Variants in L3MBTL3 observed in about 807,000 individuals in gnomAD.
L3MBTL3 encodes the protein L3MBTL histone methyl-lysine binding protein 3, also known as lethal(3)malignant brain tumor-like protein 3.
Under a neutral mutation model 102.3 loss-of-function variants are expected in L3MBTL3, and 27 were observed. The observed-to-expected ratio is 0.26, with a 90% CI of 0.19 to 0.36. The LOEUF is 0.36. L3MBTL3 is among the 10% of genes least tolerant of loss of function. The pLI is 1.00. For missense variants in L3MBTL3, 798 were observed against 955.3 expected, an observed-to-expected ratio of 0.84 and a Z score of 2.17; for synonymous variants, 340 against 320.9, an observed-to-expected ratio of 1.06 and a Z score of -0.64.
rs577526360 is a variant in L3MBTL3 at position 130,034,278 on chromosome 6, C to A, written c.-15-8407C>A. On this transcript the variant is annotated intron_variant, in intron 2 of 22. Transcript: ENST00000361794. ...TTGACATTTGTGAGGTCAATGTCCG[C>A]AGCCAGTCACGATTCTCAACTTGAA... is the stretch of plus-strand genomic sequence containing the variant. Among the ~76,000 whole-genome samples, 12 of 152,160 alleles carry A rather than the reference C, an allele frequency of 7.9e-5. No individual in the cohort carries two copies. The East Asian group carries it at 2.3e-3, about 29-fold the overall frequency.
At chr6:130,049,055 T>C (rs372766274) in intron 3 of L3MBTL3, among the ~76,000 whole-genome samples, 1 of 152,114 alleles carries the variant, frequency 6.6e-6, no homozygotes. Flanking sequence ...GTCATTGGTA[T>C]CCTTCAACAG....
chr6:130,060,657 G>A (rs1449682126), intron 10 of L3MBTL3, among the ~76,000 whole-genome samples: 1 of 150,944 alleles, frequency 6.6e-6, no homozygotes, highest in Admixed American at 6.6e-5. Flanking sequence ...TATAGGCTTT[G>A]CCATACTGTG....
chr6:130,068,251 G>A (rs1451596481), intron 11 of L3MBTL3, 79 bp from the exon 12 acceptor site: 4 of 705,716 alleles, frequency 5.7e-6, no homozygotes, highest in Non-Finnish European at 9.9e-6. Flanking sequence ...TGGCATGTTA[G>A]AGATAAAAGT....
intron 2 of L3MBTL3, among the ~76,000 whole-genome samples, chr6:130,032,773 G>A (rs112242748): frequency 6.6e-6 from 1 of 152,182 alleles, no homozygotes; most frequent in Non-Finnish European, 1.5e-5. Context: ...GAAGAATCAC[G>A]TGAGGCCTGC....
intron 2 of L3MBTL3, among the ~76,000 whole-genome samples, chr6:130,037,336 A>G (rs933372953): frequency 6.6e-6 from 1 of 152,184 alleles, no homozygotes; most frequent in African/African-American, 2.4e-5. Flanking sequence ...TACCAGAAAA[A>G]ACAGTAAAAC....
intron 16 of L3MBTL3, among the ~76,000 whole-genome samples, chr6:130,091,447 A>G (rs1784039911): frequency 6.6e-6 from 1 of 152,122 alleles, no homozygotes; most frequent in East Asian, 1.9e-4. Context: ...CCTAAAAGGT[A>G]AAAAATATAT....
At chr6:130,070,050 A>G (rs1157765860) in intron 12 of L3MBTL3, among the ~76,000 whole-genome samples, 1 of 152,196 alleles carries the variant, frequency 6.6e-6, no homozygotes, top group Non-Finnish European at 1.5e-5. Flanking sequence ...TATTTTGCCT[A>G]AAGTAGTTAG....
chr6:130,065,423 A>G (rs576321269), intron 10 of L3MBTL3, among the ~76,000 whole-genome samples: 1 of 152,208 alleles, frequency 6.6e-6, no homozygotes, highest in Admixed American at 6.5e-5. Context: ...TAATTTTCTC[A>G]TAAACTTAAC....
At chr6:130,058,149 CAAAAAAAAAA>C (rs61250078) in intron 9 of L3MBTL3, among the ~76,000 whole-genome samples, 7 of 89,150 alleles carry the variant, frequency 7.9e-5, no homozygotes, top group Non-Finnish European at 6.4e-5. Flanking sequence ...GACTCCGTCT[CAAAAAAAAAA>C]AAAAAAAAAA....
chr6:130,105,621 CAAA>C (rs35147208), intron 19 of L3MBTL3, among the ~76,000 whole-genome samples: 5 of 122,526 alleles, frequency 4.1e-5, no homozygotes, highest in African/African-American at 1.5e-4. Context: ...GACCCTGTCT[CAAA>C]AAAAAAAAAA....
At chr6:130,101,574 C>T (rs564034920) in intron 18 of L3MBTL3, among the ~76,000 whole-genome samples, 2 of 152,108 alleles carry the variant, frequency 1.3e-5, no homozygotes, top group African/African-American at 4.8e-5. Flanking sequence ...TCAGACCTTG[C>T]GATTGCAGCC....
chr6:130,097,896 C>T (rs964416918), intron 18 of L3MBTL3, among the ~76,000 whole-genome samples: 1 of 152,086 alleles, frequency 6.6e-6, no homozygotes. Context: ...GAAGAAACCC[C>T]ATCTCTACCA....
At chr6:130,032,809 A>G (rs1425207839) in intron 2 of L3MBTL3, among the ~76,000 whole-genome samples, 1 of 152,158 alleles carries the variant, frequency 6.6e-6, no homozygotes, top group African/African-American at 2.4e-5. Flanking sequence ...TGGGCAACAT[A>G]GTGAGACCCC....
At chr6:130,131,524 C>G (rs1787037021) in intron 20 of L3MBTL3, among the ~76,000 whole-genome samples, 1 of 152,034 alleles carries the variant, frequency 6.6e-6, no homozygotes, top group Non-Finnish European at 1.5e-5. Flanking sequence ...AAATTGTTAC[C>G]AGGAAAGGGT....
chr6:130,040,933 T>C (rs1344106207), intron 2 of L3MBTL3, among the ~76,000 whole-genome samples: 2 of 152,194 alleles, frequency 1.3e-5, no homozygotes, highest in Admixed American at 1.3e-4. Flanking sequence ...GCATGCATGG[T>C]GGGGAAGAAT....
intron 11 of L3MBTL3, among the ~76,000 whole-genome samples, chr6:130,067,373 CA>C (rs1730751120): frequency 6.6e-6 from 1 of 152,190 alleles, no homozygotes; most frequent in South Asian, 2.1e-4. Flanking sequence ...CTTGGCCTCC[CA>C]AAGTGCTGGG....
intron 1 of L3MBTL3, among the ~76,000 whole-genome samples, chr6:130,020,287 C>T (rs1778895334): frequency 6.7e-6 from 1 of 149,436 alleles, no homozygotes; most frequent in Admixed American, 6.6e-5. Flanking sequence ...GCGCAGGAGC[C>T]GAGGCATCCG....
At chr6:130,127,813 A>G (rs1786716272) in intron 20 of L3MBTL3, among the ~76,000 whole-genome samples, 1 of 152,158 alleles carries the variant, frequency 6.6e-6, no homozygotes, top group Non-Finnish European at 1.5e-5. Flanking sequence ...TTTTTTTAGT[A>G]ACATTAAGTA....
intron 2 of L3MBTL3, among the ~76,000 whole-genome samples, chr6:130,035,980 TTGTGTGTGTGTGTGTG>T (rs71709041): frequency 2.0e-5 from 3 of 149,318 alleles, no homozygotes; most frequent in South Asian, 4.3e-4. Context: ...CCTACCTGTT[TTGTGTGTGTGTGTGTG>T]TGTGTGTGTG....
Sources: allele counts gnomAD v4.1 joint callset (sites outside exome capture counted in the v4.1 genomes callset), GRCh38; gene constraint gnomAD v4.1.1; transcripts MANE v1.5; gene names NCBI Gene and HGNC (gene_info 2026-07-23, HGNC 2026-07-21).